C1orf105: variants seen among roughly 807,000 people sequenced by gnomAD.
C1orf105 encodes uncharacterized protein C1orf105.
In C1orf105, 17 loss-of-function variants were observed where a neutral mutation model predicts 20.8. The ratio of observed to expected loss-of-function variants is 0.82; its 90% CI spans 0.56 to 1.23. The LOEUF (loss-of-function observed/expected upper bound fraction) is 1.23. Ranked by LOEUF, C1orf105 falls within the 50% of genes most tolerant of loss-of-function variation. The pLI, the probability that C1orf105 is intolerant of heterozygous loss-of-function variation, is 0.00. For missense variants in C1orf105, 219 were observed against 213.5 expected, an observed-to-expected ratio of 1.03 and a Z score of -0.16; for synonymous variants, 72 against 72.1, an observed-to-expected ratio of 1.00 and a Z score of 0.01.
chr1:172,438,839 C>T lies in C1orf105; in HGVS notation c.22-6234C>T, dbSNP rs114143252. ...AAATTGCCACAGCCACCTCAGCCTTCAGCACCTACCACCCTTATGTCAGCA... is the reference window on the plus strand; with the variant it reads ...AAATTGCCACAGCCACCTCAGCCTTTAGCACCTACCACCCTTATGTCAGCA... On this transcript the variant is annotated intron_variant, in intron 1 of 6. Transcript: ENST00000367727. Among the ~76,000 whole-genome samples the T allele has an allele frequency of 5.7e-3, 870 of 152,326 alleles. 8 individuals are homozygous for T. Among genetic ancestry groups the T allele is most frequent in the African/African-American group, 0.02 (836 of 41,560 alleles).
intron 4 of C1orf105, among the ~76,000 whole-genome samples, chr1:172,457,539 C>T (rs1293881327): frequency 6.6e-6 from 1 of 152,210 alleles, no homozygotes; most frequent in Non-Finnish European, 1.5e-5. Flanking sequence ...CATCTATGTT[C>T]ATTTTCTACA....
intron 5 of C1orf105, among the ~76,000 whole-genome samples, chr1:172,463,368 G>C (rs563796503): frequency 6.6e-6 from 1 of 152,240 alleles, no homozygotes; most frequent in East Asian, 1.9e-4. Flanking sequence ...TTGCACAATG[G>C]TACATGTCCT....
chr1:172,420,700 C>CAAGATGTAAATCA lies in C1orf105; in HGVS notation c.-185_-184insAGATGTAAATCAA. ...TATATGATTCAAGATGTAAATCACA[C>CAAGATGTAAATCA]AGATGTTGGTAGAGAAAAAGGCATA... On this transcript the variant is annotated 5_prime_UTR_variant, in exon 1 of 7. It adds an upstream start codon to the 5' untranslated region. Coordinates refer to ENST00000367727, the MANE Select transcript of C1orf105 (RefSeq NM_139240.4). 1.7e-6 allele frequency: 1 copy of CAAGATGTAAATCA among 603,668 alleles called. No homozygotes were observed. Among genetic ancestry groups the CAAGATGTAAATCA allele is most frequent in the East Asian group, 3.1e-5 (1 of 32,728 alleles). The allele number at this position is 603,668 out of a possible 1,614,324, so 37.4% of individuals were successfully genotyped here. A position where few individuals can be genotyped will look rare whatever the true frequency, so the allele number is the denominator to read the frequency against.
intron 1 of C1orf105, among the ~76,000 whole-genome samples, chr1:172,438,257 C>T (rs930846950): frequency 3.3e-5 from 5 of 152,162 alleles, no homozygotes; most frequent in African/African-American, 9.7e-5. Flanking sequence ...TTAAGAAATA[C>T]ATTTTGTAAG....
intron 6 of C1orf105, among the ~76,000 whole-genome samples, chr1:172,467,017 T>C (rs192527029): frequency 1.3e-3 from 197 of 152,328 alleles, no homozygotes; most frequent in African/African-American, 4.5e-3. Context: ...AGTCTTGCTA[T>C]ATAGGCTTGG....
intron 2 of C1orf105, 98 bp from the exon 3 acceptor site, chr1:172,448,343 C>G (rs1165115437): frequency 7.7e-6 from 6 of 778,562 alleles, no homozygotes; most frequent in Non-Finnish European, 1.1e-5. Flanking sequence ...GAAGATAGCT[C>G]CCTGTGGTGT....
chr1:172,448,240 A>G (rs140579001), intron 2 of C1orf105, among the ~76,000 whole-genome samples: 94 of 152,306 alleles, frequency 6.2e-4, no homozygotes, highest in Non-Finnish European at 1.1e-3. Context: ...GGTTAGTGCA[A>G]AACAAAAGGG....
At chr1:172,444,123 G>A (rs1251234650) in intron 1 of C1orf105, 2 of 991,306 alleles carry the variant, frequency 2.0e-6, no homozygotes, top group African/African-American at 1.7e-5. Flanking sequence ...ACCCTTCCCC[G>A]GCTGGAACCA....
At chr1:172,462,302 A>C in intron 5 of C1orf105, 57 bp downstream of exon 5, 1 of 1,279,152 alleles carries the variant, frequency 7.8e-7, no homozygotes, top group South Asian at 1.4e-5. Context: ...CTGAGGACAC[A>C]GGAGAGTGGA....
At chr1:172,449,582 A>C (rs531125244) in intron 3 of C1orf105, among the ~76,000 whole-genome samples, 8 of 152,338 alleles carry the variant, frequency 5.3e-5, no homozygotes, top group African/African-American at 1.9e-4. Flanking sequence ...AGGAATTCTG[A>C]GCATACATGA....
intron 6 of C1orf105, among the ~76,000 whole-genome samples, chr1:172,466,573 T>TACACACAC (rs3980398): frequency 1.5e-4 from 22 of 147,190 alleles, no homozygotes; most frequent in African/African-American, 4.8e-4. Context: ...ATGAATCACA[T>TACACACAC]ACACACACAC....
At chr1:172,433,929 G>A (rs960670969) in intron 1 of C1orf105, among the ~76,000 whole-genome samples, 25 of 151,616 alleles carry the variant, frequency 1.6e-4, no homozygotes, top group African/African-American at 5.6e-4. Context: ...CAAATGGAAA[G>A]CAAAAAAAAG....
intron 1 of C1orf105, chr1:172,442,359 A>C (rs144080324): frequency 1.2e-6 from 2 of 1,613,286 alleles, no homozygotes; most frequent in South Asian, 2.2e-5. Context: ...AAGCCAGACC[A>C]GTCCCTAAAA....
At chr1:172,425,464 A>G (rs752858427) in intron 1 of C1orf105, among the ~76,000 whole-genome samples, 1 of 152,176 alleles carries the variant, frequency 6.6e-6, no homozygotes, top group Non-Finnish European at 1.5e-5. Context: ...AAAAAAAGCA[A>G]AAAGTATAGG....
chr1:172,443,872 C>A, intron 1 of C1orf105: 4 of 793,894 alleles, frequency 5.0e-6, no homozygotes, highest in Non-Finnish European at 6.2e-6. Context: ...CCCCATTTGG[C>A]TTTTTGGGTG....
chr1:172,458,946 GAATAGTATTTTC>G (rs2149188784), intron 4 of C1orf105, among the ~76,000 whole-genome samples: 1 of 152,258 alleles, frequency 6.6e-6, no homozygotes, highest in East Asian at 1.9e-4. Context: ...AATGAGGAAA[GAATAGTATTTTC>G]AATAAGTGGT....
intron 2 of C1orf105, among the ~76,000 whole-genome samples, chr1:172,446,805 T>G (rs940938787): frequency 6.6e-6 from 1 of 152,094 alleles, no homozygotes; most frequent in East Asian, 1.9e-4. Context: ...GAGCAGACAG[T>G]CTGTTGACAG....
chr1:172,456,362 G>A, intron 3 of C1orf105, 53 bp from the exon 4 acceptor site: 4 of 1,483,602 alleles, frequency 2.7e-6, no homozygotes, highest in Non-Finnish European at 3.7e-6. Flanking sequence ...CATCTTTGCT[G>A]CCCTACATGC....
chr1:172,433,870 A>T (rs1490909655), intron 1 of C1orf105, among the ~76,000 whole-genome samples: 1 of 152,226 alleles, frequency 6.6e-6, no homozygotes, highest in East Asian at 1.9e-4. Flanking sequence ...TCTCACGTGC[A>T]GAGACACACA....
Sources: allele counts gnomAD v4.1 joint callset (sites outside exome capture counted in the v4.1 genomes callset), GRCh38; gene constraint gnomAD v4.1.1; transcripts MANE v1.5; gene names NCBI Gene and HGNC (gene_info 2026-07-23, HGNC 2026-07-21).